FAM120B: variants seen among roughly 807,000 people sequenced by gnomAD.
The protein encoded by FAM120B is constitutive coactivator of peroxisome proliferator-activated receptor gamma.
Under a neutral mutation model 96.3 loss-of-function variants are expected in FAM120B, and 83 were observed. The observed-to-expected ratio is 0.86, with a 90% CI of 0.72 to 1.03. The LOEUF is 1.03. Among genes scored for constraint, FAM120B ranks in the 50% least tolerant of loss-of-function variants. FAM120B has a pLI of 0.00. For synonymous variants in FAM120B, 407 were observed against 402.7 expected (o/e 1.01, Z -0.13); for missense variants, 1,027 against 1,121.2 (o/e 0.92, Z 1.20).
At chr6:170,374,237 T>G (rs915190320) in intron 6 of FAM120B, among the ~76,000 whole-genome samples, 3 of 152,230 alleles carry the variant, frequency 2.0e-5, no homozygotes, top group South Asian at 2.1e-4. Flanking sequence ...CCATTGGTTG[T>G]TTTGCCCATT....
At chr6:170,376,693 T>C (rs1343624857) in intron 6 of FAM120B, among the ~76,000 whole-genome samples, 1 of 151,554 alleles carries the variant, frequency 6.6e-6, no homozygotes. Flanking sequence ...TACGGATGAG[T>C]GGTGAGGCAG....
At chr6:170,316,082 A>AAAT (rs1784885478) in intron 1 of FAM120B, among the ~76,000 whole-genome samples, 2 of 149,490 alleles carry the variant, frequency 1.3e-5, no homozygotes, top group South Asian at 4.3e-4. Context: ...AAAAAAAAAA[A>AAAT]TCAGTATATT....
At chr6:170,293,651 C>T (rs1353102649), upstream of FAM120B, among the ~76,000 whole-genome samples, 1 of 151,890 alleles carries the variant, frequency 6.6e-6, no homozygotes, top group African/African-American at 2.4e-5. Context: ...CCTCTCCTTC[C>T]TCCTCCTCCT....
chr6:170,342,037 G>C (rs191280433), intron 4 of FAM120B, among the ~76,000 whole-genome samples: 437 of 152,312 alleles, frequency 2.9e-3, no homozygotes, highest in African/African-American at 1.0e-2. Context: ...AGCAAGGAGA[G>C]CCAGTCCAAG....
intron 1 of FAM120B, among the ~76,000 whole-genome samples, chr6:170,300,916 C>A (rs911326707): frequency 6.6e-6 from 1 of 152,234 alleles, no homozygotes; most frequent in East Asian, 1.9e-4. Flanking sequence ...TGGCTGCCTT[C>A]ATGGGCTGGC....
intron 8 of FAM120B, 50 bp downstream of exon 8, chr6:170,391,171 C>T (rs1008779125): frequency 4.1e-6 from 5 of 1,225,676 alleles, no homozygotes; most frequent in African/African-American, 3.0e-5. Flanking sequence ...TAGACCCTAA[C>T]TGCTTCCTGA....
chr6:170,393,677 C>T (rs995270895), intron 8 of FAM120B, among the ~76,000 whole-genome samples: 2 of 152,196 alleles, frequency 1.3e-5, no homozygotes, highest in African/African-American at 4.8e-5. Flanking sequence ...GGTTCAGTCC[C>T]TCATTTTGCT....
rs1778822951 is a variant in FAM120B at position 170,406,948 on chromosome 6, C to T, written c.*2197C>T. 1 of 152,166 alleles carries T rather than the reference C, an allele frequency of 6.6e-6. No individual in the cohort carries two copies. Among genetic ancestry groups the T allele is most frequent in the African/African-American group, 2.4e-5 (1 of 41,426 alleles). The allele number at this position is 152,166 out of a possible 1,614,324, so 9.4% of individuals were successfully genotyped here. On this transcript the variant is annotated 3_prime_UTR_variant, in exon 11 of 11. Coordinates refer to ENST00000476287, the MANE Select transcript of FAM120B (RefSeq NM_032448.3). The stretch of plus-strand genomic sequence containing the variant: ...TATAATCTTTATTACCTTTGAAAAA[C>T]CAGAGAGCTGAATTTTTTGTCATTC...
At chr6:170,362,561 T>C (rs1280501445) in intron 6 of FAM120B, among the ~76,000 whole-genome samples, 14 of 152,204 alleles carry the variant, frequency 9.2e-5, no homozygotes, top group Admixed American at 9.2e-4. Context: ...GAGTGGAGTG[T>C]GTACTACGTA....
In FAM120B at chr6:170,348,317, T is replaced by C; in HGVS notation, c.2184T>C (p.Phe728=). 1 of 1,612,736 alleles carries C rather than the reference T, an allele frequency of 6.2e-7. No homozygotes were observed. The highest frequency in any genetic ancestry group is 8.5e-7 in the Non-Finnish European group (1 of 1,179,806). The change falls in exon 5 of 11, where the codon TTT becomes TTC. Residue 728 remains phenylalanine, a synonymous_variant. Transcript: ENST00000476287. ...TGTGCTGCCTCTTGATCTACCTCTT[T>C]GTCCAGGTAATGTCCAGCTGCCCGT... ...QALCCLLIYL[F]VQVDTLCLED...
At chr6:170,401,360 C>T (rs1778574146) in intron 9 of FAM120B, among the ~76,000 whole-genome samples, 1 of 152,102 alleles carries the variant, frequency 6.6e-6, no homozygotes, top group African/African-American at 2.4e-5. Context: ...GGAGAGAGCC[C>T]TCAGATGGAC....
chr6:170,359,941 C>T (rs371184868), intron 6 of FAM120B, among the ~76,000 whole-genome samples: 7 of 152,216 alleles, frequency 4.6e-5, no homozygotes, highest in Admixed American at 6.5e-5. Flanking sequence ...GCATTCTTCA[C>T]GCCGAGCGGC....
chr6:170,301,473 CCA>C (rs1401147182), intron 1 of FAM120B, among the ~76,000 whole-genome samples: 1 of 152,252 alleles, frequency 6.6e-6, no homozygotes, highest in East Asian at 1.9e-4. Flanking sequence ...GACATTTTCC[CCA>C]CTGTTTTAGT....
intron 5 of FAM120B, among the ~76,000 whole-genome samples, chr6:170,355,733 GA>G (rs1160614696): frequency 1.3e-5 from 2 of 151,818 alleles, no homozygotes; most frequent in Admixed American, 6.6e-5. Context: ...AACTTTGGAG[GA>G]AAAAAATGTA....
chr6:170,305,403 A>C (rs1784247731), upstream of FAM120B, among the ~76,000 whole-genome samples: 1 of 152,226 alleles, frequency 6.6e-6, no homozygotes, highest in Non-Finnish European at 1.5e-5. Context: ...TAAGCCTTGT[A>C]TGCTGAATCG....
At chr6:170,300,077 G>A (rs1784108460) in intron 1 of FAM120B, among the ~76,000 whole-genome samples, 1 of 152,158 alleles carries the variant, frequency 6.6e-6, no homozygotes, top group South Asian at 2.1e-4. Context: ...TTTTTGGACG[G>A]TCAATTGTTA....
Position 170,406,080 on chromosome 6 carries a change from A to T in FAM120B, c.*1329A>T, listed in dbSNP as rs1778792314. 1 of 152,246 alleles carries T rather than the reference A, an allele frequency of 6.6e-6. No individual in the cohort carries two copies. The highest frequency in any genetic ancestry group is 2.4e-5 in the African/African-American group (1 of 41,454). 9.4% of individuals were successfully genotyped at this position (152,246 alleles called of 1,614,324 possible). A position where few individuals can be genotyped will look rare whatever the true frequency, so the allele number is the denominator to read the frequency against. On this transcript the variant is annotated 3_prime_UTR_variant, in exon 11 of 11. Coordinates refer to ENST00000476287, the MANE Select transcript of FAM120B (RefSeq NM_032448.3). ...AATCTTCAGGTCACCAAAGAATTGA[A>T]ATTTTAAGCCCCAGATTGTACTGAG... is the stretch of plus-strand genomic sequence containing the variant.
chr6:170,373,285 C>T (rs192539005), intron 6 of FAM120B, among the ~76,000 whole-genome samples: 5 of 152,288 alleles, frequency 3.3e-5, no homozygotes, highest in Admixed American at 2.6e-4. Flanking sequence ...CTTTTATTTA[C>T]GAATTTTATT....
At chr6:170,398,702 G>C (rs1221508221) in intron 9 of FAM120B, among the ~76,000 whole-genome samples, 1 of 148,204 alleles carries the variant, frequency 6.7e-6, no homozygotes, top group East Asian at 2.1e-4. Context: ...TCTTAGGAGT[G>C]AGTGGGGAAG....
Sources: allele counts gnomAD v4.1 joint callset (sites outside exome capture counted in the v4.1 genomes callset), GRCh38; gene constraint gnomAD v4.1.1; transcripts MANE v1.5; gene names NCBI Gene and HGNC (gene_info 2026-07-23, HGNC 2026-07-21).